The following OSBPL1A variants were observed in gnomAD, a reference collection of about 807,000 sequenced individuals.
The protein encoded by OSBPL1A is oxysterol-binding protein-related protein 1.
A neutral mutation model predicts 137.1 loss-of-function variants in OSBPL1A; 80 were observed. The observed-to-expected ratio is 0.58, with a 90% CI of 0.49 to 0.70. The LOEUF (loss-of-function observed/expected upper bound fraction) is 0.70. Among genes scored for constraint, OSBPL1A ranks in the 30% least tolerant of loss-of-function variants. The pLI is 0.00. For missense variants in OSBPL1A, 970 were observed against 1,129.4 expected, an observed-to-expected ratio of 0.86 and a Z score of 2.02; for synonymous variants, 365 against 389.7, an observed-to-expected ratio of 0.94 and a Z score of 0.75.
At chr18:24,292,672 A>T (rs1487216864) in intron 14 of OSBPL1A, among the ~76,000 whole-genome samples, 2 of 152,166 alleles carry the variant, frequency 1.3e-5, no homozygotes, top group Non-Finnish European at 2.9e-5. Context: ...AATCAACTAC[A>T]CACACTCATA....
At chr18:24,272,016 C>T in intron 15 of OSBPL1A, 2 of 981,524 alleles carry the variant, frequency 2.0e-6, no homozygotes, top group Non-Finnish European at 1.2e-6. Context: ...GCGGGCGGCT[C>T]CCTGCGCGCG....
At position 24,225,059 on chromosome 18, in the gene OSBPL1A, A is replaced by T; in HGVS notation, c.1584T>A (p.Asn528Lys). 1 of 1,614,172 alleles carries T rather than the reference A, an allele frequency of 6.2e-7. No homozygotes were observed. The highest frequency in any genetic ancestry group is 8.5e-7 in the Non-Finnish European group (1 of 1,179,996). The part of the protein sequence containing the change: ...KDCGGGDALS[N>K]GIKKHRTSLP... ...GATCCTACCTGTGTTTCTTGATGCC[A>T]TTGGAGAGAGCATCTCCGCCACCAC... is the stretch of plus-strand genomic sequence containing the variant. Residue 528 changes from asparagine to lysine, a missense_variant, in exon 17 of 28, where the codon AAT becomes AAA. Transcript: ENST00000319481.
At chr18:24,354,748 C>CAAAAAAAAAAAAAAAAAAAAA (rs59694707) in intron 4 of OSBPL1A, among the ~76,000 whole-genome samples, 6 of 77,076 alleles carry the variant, frequency 7.8e-5, no homozygotes, top group African/African-American at 1.4e-4. Context: ...CTCAATATAG[C>CAAAAAAAAAAAAAAAAAAAAA]AAAAAAAAAA....
At chr18:24,361,655 A>G (rs2091622207) in intron 4 of OSBPL1A, among the ~76,000 whole-genome samples, 1 of 152,218 alleles carries the variant, frequency 6.6e-6, no homozygotes, top group Admixed American at 6.5e-5. Context: ...TCATGGGGAC[A>G]CAAAAAACAA....
At chr18:24,216,555 TG>T (rs796920378) in intron 17 of OSBPL1A, among the ~76,000 whole-genome samples, 3 of 152,280 alleles carry the variant, frequency 2.0e-5, no homozygotes, top group African/African-American at 7.2e-5. Context: ...TTTAAATATA[TG>T]GGCAATTTTT....
chr18:24,168,907 C>A lies in OSBPL1A; in HGVS notation c.2418+1420G>T, dbSNP rs547599553. Among the ~76,000 whole-genome samples, 7 of 152,362 alleles carry A rather than the reference C, an allele frequency of 4.6e-5. No individual in the cohort carries two copies. The South Asian group carries it at 1.5e-3, about 32-fold the overall frequency. Reference sequence around the variant, plus strand: ...GGAATGTTCTCTGGAATTTCAGCAACATTCTCAGCCATCCGCACTCTGTGA... The same window carrying A: ...GGAATGTTCTCTGGAATTTCAGCAAAATTCTCAGCCATCCGCACTCTGTGA... On this transcript the variant is annotated intron_variant, in intron 24 of 27. Transcript: ENST00000319481.
At position 24,289,545 on chromosome 18, in the gene OSBPL1A, G is replaced by A. The variant is rs140361591; in HGVS notation, c.1175-8597C>T. Among the ~76,000 whole-genome samples the A allele has an allele frequency of 6.2e-3, 938 of 150,098 alleles. 7 individuals are homozygous for A. Among genetic ancestry groups the A allele is most frequent in the African/African-American group, 0.02 (815 of 40,930 alleles). The stretch of plus-strand genomic sequence containing the variant: ...CAAGCAATTCTCCTGCCTCAGGATC[G>A]AGTAGCTGGGATTACAGGCACACGC... On this transcript the variant is annotated intron_variant, in intron 14 of 27. Coordinates refer to ENST00000319481, the MANE Select transcript of OSBPL1A (RefSeq NM_080597.4).
chr18:24,285,688 A>T (rs1429353050), intron 14 of OSBPL1A, among the ~76,000 whole-genome samples: 1 of 152,190 alleles, frequency 6.6e-6, no homozygotes, highest in Non-Finnish European at 1.5e-5. Context: ...CAAACAGGAG[A>T]GAGACTAAAT....
intron 1 of OSBPL1A, among the ~76,000 whole-genome samples, chr18:24,387,990 C>T (rs1379570889): frequency 6.6e-6 from 1 of 152,072 alleles, no homozygotes; most frequent in East Asian, 1.9e-4. Flanking sequence ...TTACCACATT[C>T]TAGGCATTGT....
intron 15 of OSBPL1A, among the ~76,000 whole-genome samples, chr18:24,254,800 G>A (rs985971989): frequency 6.6e-6 from 1 of 151,880 alleles, no homozygotes; most frequent in African/African-American, 2.4e-5. Flanking sequence ...AAACAAATCA[G>A]TTGAAGAAAT....
intron 16 of OSBPL1A, among the ~76,000 whole-genome samples, chr18:24,233,944 C>T (rs1056649609): frequency 1.3e-5 from 2 of 152,046 alleles, no homozygotes; most frequent in Non-Finnish European, 2.9e-5. Flanking sequence ...TGAGCCTCTG[C>T]GGGGTCCTAT....
intron 14 of OSBPL1A, among the ~76,000 whole-genome samples, chr18:24,301,497 T>A (rs2090398798): frequency 6.6e-6 from 1 of 152,240 alleles, no homozygotes; most frequent in African/African-American, 2.4e-5. Context: ...TGTTTCTACA[T>A]CTTTTAAATC....
At chr18:24,252,213 CAAG>C (rs1017875682) in intron 15 of OSBPL1A, among the ~76,000 whole-genome samples, 1 of 151,990 alleles carries the variant, frequency 6.6e-6, no homozygotes, top group Non-Finnish European at 1.5e-5. Context: ...CATTCAAGTA[CAAG>C]AAGTTTATAG....
intron 2 of OSBPL1A, among the ~76,000 whole-genome samples, chr18:24,371,227 C>T (rs1251830743): frequency 6.6e-6 from 1 of 152,206 alleles, no homozygotes; most frequent in Non-Finnish European, 1.5e-5. Flanking sequence ...ACCATAAACT[C>T]AGGATCTCAC....
chr18:24,269,469 T>G (rs1353957655), intron 15 of OSBPL1A, among the ~76,000 whole-genome samples: 4 of 152,334 alleles, frequency 2.6e-5, no homozygotes, highest in Non-Finnish European at 5.9e-5. Context: ...GTCAGATGAC[T>G]ACATAGATTT....
At chr18:24,332,758 C>T (rs908467146) in intron 7 of OSBPL1A, among the ~76,000 whole-genome samples, 184 bp downstream of exon 7, 1 of 152,112 alleles carries the variant, frequency 6.6e-6, no homozygotes, top group Non-Finnish European at 1.5e-5. Context: ...CTTATCTTTT[C>T]CTTGAGGGTA....
intron 15 of OSBPL1A, among the ~76,000 whole-genome samples, chr18:24,278,446 A>G (rs1026935397): frequency 6.6e-6 from 1 of 152,202 alleles, no homozygotes; most frequent in African/African-American, 2.4e-5. Context: ...TACTATGCTA[A>G]GTATTTTGCT....
intron 17 of OSBPL1A, among the ~76,000 whole-genome samples, chr18:24,198,579 C>G (rs2087108645): frequency 6.6e-6 from 1 of 152,082 alleles, no homozygotes; most frequent in African/African-American, 2.4e-5. Context: ...CACGCAGAGC[C>G]AAGAGCCTTG....
intron 7 of OSBPL1A, among the ~76,000 whole-genome samples, chr18:24,322,070 A>G (rs924722018): frequency 6.6e-6 from 1 of 151,450 alleles, no homozygotes; most frequent in Admixed American, 6.6e-5. Flanking sequence ...CAGTAGTAAA[A>G]TGGAGATCAT....
Sources: gnomAD v4.1 joint callset for allele counts (sites outside exome capture counted in the v4.1 genomes callset) on GRCh38, gnomAD v4.1.1 for gene constraint, MANE v1.5 for transcripts, NCBI Gene and HGNC (gene_info 2026-07-23, HGNC 2026-07-21) for gene names.